Variants in IFNAR1 observed in about 807,000 individuals in gnomAD.
The protein encoded by IFNAR1 is interferon alpha and beta receptor subunit 1.
In IFNAR1, 47 loss-of-function variants were observed where a neutral mutation model predicts 62.1. That is an observed-to-expected ratio of 0.76 (90% CI 0.60 to 0.97). IFNAR1 has a LOEUF of 0.97. Among genes scored for constraint, IFNAR1 ranks in the 50% least tolerant of loss-of-function variants. The pLI is 0.00. For synonymous variants in IFNAR1, 219 were observed against 226.9 expected (o/e 0.97, Z 0.31); for missense variants, 638 against 654.5 (o/e 0.97, Z 0.27).
intron 1 of IFNAR1, chr21:33,334,709 T>C (rs531249276): frequency 2.1e-5 from 18 of 848,464 alleles, no homozygotes; most frequent in Middle Eastern, 7.0e-4. Context: ...CCACCTTCCC[T>C]GACCCCAGTG....
At chr21:33,347,327 A>G (rs937452265) in intron 6 of IFNAR1, among the ~76,000 whole-genome samples, 5 of 152,050 alleles carry the variant, frequency 3.3e-5, no homozygotes, top group African/African-American at 1.2e-4. Context: ...ACGGGGTTTC[A>G]CCGTATTGGC....
intron 6 of IFNAR1, among the ~76,000 whole-genome samples, chr21:33,347,863 C>T (rs1229805461): frequency 6.6e-6 from 1 of 152,162 alleles, no homozygotes; most frequent in Admixed American, 6.5e-5. Flanking sequence ...AACATTTGGA[C>T]ACCAGGTGGC....
chr21:33,340,892 G>A, intron 2 of IFNAR1, 107 bp from the exon 3 acceptor site: 1 of 686,936 alleles, frequency 1.5e-6, no homozygotes, highest in East Asian at 2.7e-5. Flanking sequence ...TCTTAAACAA[G>A]AGTTATTAAG....
At chr21:33,344,107 C>T (rs769724213) in intron 5 of IFNAR1, among the ~76,000 whole-genome samples, 8 of 151,912 alleles carry the variant, frequency 5.3e-5, no homozygotes, top group African/African-American at 9.7e-5. Flanking sequence ...GCCAAGATCG[C>T]GCCACTGCAC....
At chr21:33,325,215 G>A (rs2083114987) in intron 1 of IFNAR1, 84 bp downstream of exon 1, 4 of 1,170,652 alleles carry the variant, frequency 3.4e-6, no homozygotes, top group Non-Finnish European at 5.0e-6. Context: ...GCTGTTGGGG[G>A]CGACAGACGC....
At chr21:33,332,909 A>G (rs1319532564) in intron 1 of IFNAR1, among the ~76,000 whole-genome samples, 2 of 152,230 alleles carry the variant, frequency 1.3e-5, no homozygotes, top group Non-Finnish European at 2.9e-5. Context: ...GAAAGAGGAG[A>G]AAAGGTAAGA....
intron 2 of IFNAR1, among the ~76,000 whole-genome samples, chr21:33,338,531 C>CAAAAAAA: frequency 1.7e-5 from 2 of 116,072 alleles, no homozygotes; most frequent in East Asian, 2.4e-4. Flanking sequence ...GACTTCATCT[C>CAAAAAAA]AAAAAAAAAA....
chr21:33,349,346 T>A, intron 7 of IFNAR1, 43 bp from the exon 8 acceptor site: 1 of 1,571,298 alleles, frequency 6.4e-7, no homozygotes, highest in Non-Finnish European at 8.6e-7. Context: ...TTTTTAAAAT[T>A]GTTTTTCTAA....
chr21:33,347,131 CT>C (rs5843597), intron 6 of IFNAR1, among the ~76,000 whole-genome samples: 95,985 of 132,164 alleles, frequency 0.73, 34,457 homozygotes, highest in South Asian at 0.83. Flanking sequence ...CCTCTAGATC[CT>C]TTTTTTTTTT....
chr21:33,348,096 G>A (rs1253505563), intron 6 of IFNAR1, among the ~76,000 whole-genome samples: 1 of 152,172 alleles, frequency 6.6e-6, no homozygotes, highest in African/African-American at 2.4e-5. Context: ...GGCTTGAACT[G>A]AGATGCTTTT....
chr21:33,329,039 C>T (rs1467032865), intron 1 of IFNAR1, among the ~76,000 whole-genome samples: 6 of 152,114 alleles, frequency 3.9e-5, no homozygotes, highest in African/African-American at 1.4e-4. Context: ...AACTTTATTT[C>T]CAAGCCCCTG....
In IFNAR1 at chr21:33,355,457, A is replaced by C. The variant is rs2083438325; in HGVS notation, c.1582A>C (p.Ser528Arg). 1 of 1,606,798 alleles carries C rather than the reference A, an allele frequency of 6.2e-7. No homozygotes were observed. The highest frequency in any genetic ancestry group is 1.7e-5 in the Admixed American group (1 of 58,858). ...AACTGATGAAGATCATAAAAAATACAGTTCCCAAACTAGCCAAGATTCAGG... is the reference window on the plus strand; with the variant it reads ...AACTGATGAAGATCATAAAAAATACCGTTCCCAAACTAGCCAAGATTCAGG... ...NQTDEDHKKY[S>R]SQTSQDSGNY... Residue 528 changes from serine to arginine, a missense_variant, in exon 11 of 11, where the codon AGT (serine) becomes CGT (arginine). Physicochemically the swap from Ser to Arg is moderately radical, Grantham distance 110. Transcript: ENST00000270139.
intron 10 of IFNAR1, among the ~76,000 whole-genome samples, chr21:33,354,409 C>G (rs1410621517): frequency 6.6e-6 from 1 of 152,132 alleles, no homozygotes; most frequent in East Asian, 1.9e-4. Context: ...TACGCTGTTT[C>G]AATTTGTGAT....
chr21:33,327,199 A>G (rs1389145976), intron 1 of IFNAR1, among the ~76,000 whole-genome samples: 3 of 152,118 alleles, frequency 2.0e-5, no homozygotes, highest in Admixed American at 6.6e-5. Context: ...CATTAAACTC[A>G]TGTTTGGTTT....
In IFNAR1 at chr21:33,355,462, C is replaced by T. The variant is rs555927601; in HGVS notation, c.1587C>T (p.Ser529=). 547 of 1,607,486 alleles carry T rather than the reference C, an allele frequency of 3.4e-4. 10 individuals are homozygous for T. The South Asian group carries it at 5.8e-3, about 17-fold the overall frequency. ...ATGAAGATCATAAAAAATACAGTTCCCAAACTAGCCAAGATTCAGGAAATT... is the reference window on the plus strand; with the variant it reads ...ATGAAGATCATAAAAAATACAGTTCTCAAACTAGCCAAGATTCAGGAAATT... The part of the protein sequence containing the change: ...QTDEDHKKYS[S]QTSQDSGNYS... Residue 529 remains serine (S), a synonymous_variant, in exon 11 of 11, where the codon TCC becomes TCT. Transcript: ENST00000270139.
chr21:33,353,130 A>G (rs1053009461), intron 9 of IFNAR1, among the ~76,000 whole-genome samples: 11 of 152,234 alleles, frequency 7.2e-5, no homozygotes, highest in Admixed American at 5.2e-4. Context: ...TATTTCATCC[A>G]GTATCCCTAT....
At chr21:33,344,300 A>G (rs1356273164) in intron 5 of IFNAR1, among the ~76,000 whole-genome samples, 1 of 152,228 alleles carries the variant, frequency 6.6e-6, no homozygotes, top group Non-Finnish European at 1.5e-5. Context: ...TAGACAAGTT[A>G]TTGTTCAAGA....
intron 6 of IFNAR1, among the ~76,000 whole-genome samples, chr21:33,345,598 G>A (rs1260124801): frequency 1.3e-5 from 2 of 152,034 alleles, no homozygotes; most frequent in South Asian, 2.1e-4. Flanking sequence ...AAAATAGATG[G>A]ATTCTAATAT....
chr21:33,349,171 A>G lies in IFNAR1; in HGVS notation c.869A>G (p.Gln290Arg). Residue 290 changes from glutamine (Q) to arginine (R), a missense_variant, in exon 7 of 11, where the codon CAG becomes CGG. Physicochemically the swap from Gln to Arg is conservative, Grantham distance 43. Transcript: ENST00000270139. ...GACTGTGAAAATGTCAAAACTACCC[A>G]GTGTGTCTTTCCTCAAAACGTTTTC... ...IPDCENVKTT[Q>R]CVFPQNVFQK... is the part of the protein sequence containing the mutation. The G allele has an allele frequency of 1.9e-6, 3 of 1,612,862 alleles. No homozygotes were observed. Among genetic ancestry groups the G allele is most frequent in the Non-Finnish European group, 2.5e-6 (3 of 1,178,946 alleles).
Sources: allele counts gnomAD v4.1 joint callset (sites outside exome capture counted in the v4.1 genomes callset), GRCh38; gene constraint gnomAD v4.1.1; transcripts MANE v1.5; gene names NCBI Gene and HGNC (gene_info 2026-07-23, HGNC 2026-07-21).